Variants in CEP83 observed in about 807,000 individuals in gnomAD.
CEP83 encodes the protein centrosomal protein of 83 kDa.
In CEP83, 70 loss-of-function variants were observed where a neutral mutation model predicts 101.9. The observed-to-expected ratio is 0.69, with a 90% CI of 0.57 to 0.84. The LOEUF is 0.84. Among genes scored for constraint, CEP83 ranks in the 40% least tolerant of loss-of-function variants. The pLI is 0.00. For synonymous variants in CEP83, 264 were observed against 267.9 expected (o/e 0.99, Z 0.14); for missense variants, 715 against 787.2 (o/e 0.91, Z 1.10).
At chr12:94,376,976 G>A (rs2061587180) in intron 7 of CEP83, among the ~76,000 whole-genome samples, 1 of 151,952 alleles carries the variant, frequency 6.6e-6, no homozygotes, top group East Asian at 1.9e-4. Flanking sequence ...CCTGAGCTCA[G>A]GTGATCCAGC....
chr12:94,421,328 G>A (rs1000304594), intron 2 of CEP83, among the ~76,000 whole-genome samples: 5 of 151,968 alleles, frequency 3.3e-5, no homozygotes, highest in African/African-American at 1.2e-4. Flanking sequence ...TAAAATGTTA[G>A]GATTACAGGA....
intron 11 of CEP83, among the ~76,000 whole-genome samples, chr12:94,361,992 T>C (rs868284517): frequency 1.3e-5 from 2 of 152,214 alleles, no homozygotes; most frequent in Middle Eastern, 3.4e-3. Context: ...TGAACCATCA[T>C]ACCTGGCCCA....
At chr12:94,275,672 T>C in the CEP83 span, among the ~76,000 whole-genome samples, 1 of 133,582 alleles carries the variant, frequency 7.5e-6, no homozygotes, top group Non-Finnish European at 1.6e-5. Context: ...GCTAAAACGG[T>C]GAAACCCCGT....
chr12:94,297,440 G>C, the CEP83 span: 1 of 1,573,526 alleles, frequency 6.4e-7, no homozygotes, highest in Middle Eastern at 1.7e-4. Context: ...TTACTGTTCT[G>C]GGAGCACTTT....
chr12:94,303,749 T>TC (rs67648319), downstream of CEP83: 18,675 of 1,338,346 alleles, frequency 0.014, 104 homozygotes, highest in Admixed American at 0.026. Flanking sequence ...TTTTTTTTTT[T>TC]CCCCAGGAAG....
chr12:94,288,910 A>C, the CEP83 span, among the ~76,000 whole-genome samples: 2 of 152,234 alleles, frequency 1.3e-5, no homozygotes, highest in East Asian at 1.9e-4. Context: ...TTTGATTCTC[A>C]TGTTTTCAGA....
At chr12:94,309,237 C>A (rs1038706838) in intron 16 of CEP83, among the ~76,000 whole-genome samples, 5 of 152,178 alleles carry the variant, frequency 3.3e-5, no homozygotes, top group Non-Finnish European at 5.9e-5. Flanking sequence ...TGTTTAACAG[C>A]AGTTTATTAT....
At chr12:94,312,726 G>C (rs1426118222) in intron 15 of CEP83, 188 bp downstream of exon 15, 10 of 985,322 alleles carry the variant, frequency 1.0e-5, no homozygotes, top group Non-Finnish European at 1.2e-5. Flanking sequence ...ATGTGACAGA[G>C]ACCTTTTGGT....
chr12:94,347,665 G>A lies in CEP83; in HGVS notation c.1344-12001C>T, dbSNP rs563106349. Among the ~76,000 whole-genome samples, 8 of 152,152 alleles carry A rather than the reference G, an allele frequency of 5.3e-5. No homozygotes were observed. In the South Asian group the frequency reaches 1.7e-3, roughly 32 times the overall value. ...CCCAACTAAAAACAACCCAACATTT[G>A]TCCAACAAAAGAATAAATAAATCAT... On this transcript the variant is annotated intron_variant, in intron 11 of 16. Transcript: ENST00000397809.
chr12:94,345,660 C>T (rs1399335146), intron 11 of CEP83, among the ~76,000 whole-genome samples: 2 of 152,142 alleles, frequency 1.3e-5, no homozygotes, highest in South Asian at 2.1e-4. Flanking sequence ...TTACCTTACC[C>T]GACAGCAGGT....
intron 2 of CEP83, among the ~76,000 whole-genome samples, chr12:94,427,693 A>G (rs1481779421): frequency 3.9e-5 from 6 of 152,258 alleles, no homozygotes; most frequent in African/African-American, 1.4e-4. Flanking sequence ...ATATTTCAAA[A>G]CAATGTTTTA....
the CEP83 span, among the ~76,000 whole-genome samples, chr12:94,295,211 G>A: frequency 6.6e-6 from 1 of 152,212 alleles, no homozygotes; most frequent in Non-Finnish European, 1.5e-5. Flanking sequence ...GCCAGAGGTA[G>A]GGCTTCCTGA....
intron 8 of CEP83, among the ~76,000 whole-genome samples, chr12:94,370,795 C>T (rs1197504232): frequency 1.3e-5 from 2 of 152,018 alleles, no homozygotes; most frequent in African/African-American, 4.8e-5. Flanking sequence ...TGGAGACCAG[C>T]CTGGGCAACA....
At chr12:94,281,846 T>G in the CEP83 span, 1 of 162,982 alleles carries the variant, frequency 6.1e-6, no homozygotes, top group South Asian at 1.6e-4. Context: ...TAGGCATAGG[T>G]TAGCAGCCTT....
chr12:94,450,496 C>T (rs1240343876), intron 1 of CEP83, among the ~76,000 whole-genome samples: 1 of 152,210 alleles, frequency 6.6e-6, no homozygotes, highest in African/African-American at 2.4e-5. Flanking sequence ...TCGTGATCCA[C>T]CTGCCTTGGA....
At chr12:94,322,984 G>A (rs1407114818) in intron 14 of CEP83, among the ~76,000 whole-genome samples, 2 of 152,124 alleles carry the variant, frequency 1.3e-5, no homozygotes, top group African/African-American at 2.4e-5. Context: ...TTTTCCATAG[G>A]GTGGCTGCAA....
At chr12:94,413,752 C>T (rs1004716910) in intron 2 of CEP83, among the ~76,000 whole-genome samples, 4 of 151,018 alleles carry the variant, frequency 2.6e-5, no homozygotes, top group African/African-American at 7.3e-5. Flanking sequence ...TCAAAGTGTT[C>T]TTATAACTAA....
chr12:94,442,123 GTA>G (rs59002424), intron 1 of CEP83, among the ~76,000 whole-genome samples: 3 of 150,180 alleles, frequency 2.0e-5, no homozygotes, highest in Non-Finnish European at 4.4e-5. Flanking sequence ...AATGTGGTAG[GTA>G]TATATATATA....
chr12:94,456,641 T>C (rs2067699056), intron 1 of CEP83, among the ~76,000 whole-genome samples: 1 of 152,102 alleles, frequency 6.6e-6, no homozygotes, highest in East Asian at 1.9e-4. Context: ...TACCAAACAC[T>C]TATAAAACCA....
Sources: allele counts gnomAD v4.1 joint callset (sites outside exome capture counted in the v4.1 genomes callset), GRCh38; gene constraint gnomAD v4.1.1; transcripts MANE v1.5; gene names NCBI Gene and HGNC (gene_info 2026-07-23, HGNC 2026-07-21).